Variants in LRP5 observed in about 807,000 individuals in gnomAD.
LRP5 encodes the protein LDL receptor related protein 5.
LRP5 carries 62 observed loss-of-function variants against 154.1 expected under a neutral mutation model. That is an observed-to-expected ratio of 0.40 (90% CI 0.33 to 0.50). The LOEUF (loss-of-function observed/expected upper bound fraction) is 0.50, where lower values mean the gene tolerates loss of function less well. LRP5 is among the 20% of genes least tolerant of loss of function. LRP5 has a pLI of 0.55. For missense variants in LRP5, 1,915 were observed against 2,336.7 expected, an observed-to-expected ratio of 0.82 and a Z score of 3.72; for synonymous variants, 966 against 1,011.5, an observed-to-expected ratio of 0.96 and a Z score of 0.85.
chr11:68,392,708 TG>T (rs2098647027), intron 7 of LRP5, among the ~76,000 whole-genome samples: 1 of 152,146 alleles, frequency 6.6e-6, no homozygotes, highest in African/African-American at 2.4e-5. Flanking sequence ...TTTCTGTCTC[TG>T]GGGGTTCACT....
chr11:68,354,159 C>T (rs2098621111), intron 2 of LRP5, among the ~76,000 whole-genome samples: 1 of 152,242 alleles, frequency 6.6e-6, no homozygotes, highest in African/African-American at 2.4e-5. Flanking sequence ...CACACAACCA[C>T]AACCGCAGCT....
At chr11:68,301,540 T>C in the LRP5 span, among the ~76,000 whole-genome samples, 1 of 149,052 alleles carries the variant, frequency 6.7e-6, no homozygotes, top group Non-Finnish European at 1.5e-5. Context: ...TCCATGAGAG[T>C]TCAAAAGAGA....
At chr11:68,426,948 G>C (rs746735430) in intron 16 of LRP5, among the ~76,000 whole-genome samples, 7 of 152,180 alleles carry the variant, frequency 4.6e-5, no homozygotes, top group Non-Finnish European at 8.8e-5. Context: ...ACCACTCTCA[G>C]CTCCTAGAGG....
rs1219400232 is a variant in LRP5 at position 68,427,966 on chromosome 11, TTTTATTTTTTTTA to T, written c.3638-1601_3638-1589del. On this transcript the variant is annotated intron_variant, in intron 16 of 22. Coordinates refer to ENST00000294304, the MANE Select transcript of LRP5 (RefSeq NM_002335.4). ...TGCTATTTTATTTTATTTTATTTTA[TTTTATTTTTTTTA>T]TTTATTTATTTATTTATTTATTTAT... Among the ~76,000 whole-genome samples the T allele has an allele frequency of 1.1e-3, 89 of 79,064 alleles. 1 individual carries two copies. The highest frequency in any genetic ancestry group is 2.5e-3 in the African/African-American group (68 of 26,868). 51.9% of individuals were successfully genotyped at this position (79,064 alleles called of 152,430 possible).
At position 68,423,554 on chromosome 11, in the gene LRP5, C is replaced by T. The variant is rs777524051; in HGVS notation, c.3093C>T (p.Ile1031=). The T allele has an allele frequency of 1.1e-5, 17 of 1,614,118 alleles. No homozygotes were observed. The highest frequency in any genetic ancestry group is 9.9e-5 in the South Asian group (9 of 91,092). ...ACAGGCAGCCCCACGACCTCAGCAT[C>T]GACATCTACAGCCGGACACTGTTCT... The part of the protein sequence containing the change: ...NPDRQPHDLS[I]DIYSRTLFWT... The change falls in exon 14 of 23, where the codon ATC becomes ATT. Residue 1031 remains isoleucine (I), a synonymous_variant. Transcript: ENST00000294304. The surrounding 1 kb of genome is among the most constrained non-coding windows in gnomAD (Gnocchi z 4.7).
intron 4 of LRP5, 26 bp from the exon 5 acceptor site, chr11:68,365,545 C>A (rs1359192658): frequency 1.2e-6 from 2 of 1,613,532 alleles, no homozygotes; most frequent in African/African-American, 2.7e-5. Context: ...CTGGAACCTT[C>A]TCTCACTCTG....
chr11:68,420,074 C>T (rs2098664700), intron 13 of LRP5, among the ~76,000 whole-genome samples: 1 of 152,250 alleles, frequency 6.6e-6, no homozygotes, highest in African/African-American at 2.4e-5. Context: ...CAGGCGCGAG[C>T]CACCGCACCC....
chr11:68,444,491 T>C (rs540758289), intron 21 of LRP5, among the ~76,000 whole-genome samples: 1 of 151,778 alleles, frequency 6.6e-6, no homozygotes, highest in African/African-American at 2.4e-5. Flanking sequence ...TACTCCAGCC[T>C]GGGCAACAAG....
rs770580929 is a variant in LRP5 at position 68,357,790 on chromosome 11, A to G, written c.629A>G (p.Tyr210Cys). The change falls in exon 3 of 23, where the codon TAC (tyrosine) becomes TGC (cysteine). Residue 210 changes from tyrosine to cysteine, a missense_variant. By Grantham distance (194) the Tyr-to-Cys change is radical (BLOSUM62 -2). Coordinates refer to ENST00000294304, the MANE Select transcript of LRP5 (RefSeq NM_002335.4). ...LTIDLEEQKL[Y>C]WADAKLSFIH... ...ATCGACCTGGAGGAGCAGAAGCTCT[A>G]CTGGGCTGACGCCAAGCTCAGCTTC... is the stretch of plus-strand genomic sequence containing the variant. 3 of 1,614,054 alleles carry G rather than the reference A, an allele frequency of 1.9e-6. No homozygotes were observed. The highest frequency in any genetic ancestry group is 2.5e-6 in the Non-Finnish European group (3 of 1,179,960).
At chr11:68,438,067 G>A (rs1034548403) in intron 19 of LRP5, among the ~76,000 whole-genome samples, 2 of 152,214 alleles carry the variant, frequency 1.3e-5, no homozygotes, top group African/African-American at 2.4e-5. Context: ...GCTGGTGGGC[G>A]GCACCAGGGG....
At chr11:68,438,784 C>T (rs2098676511) in intron 20 of LRP5, 102 bp downstream of exon 20, 8 of 978,118 alleles carry the variant, frequency 8.2e-6, no homozygotes, top group South Asian at 7.4e-5. Context: ...CCCTCTTGCA[C>T]ATGTGGCAGA....
At chr11:68,359,130 T>C (rs2098625623) in intron 3 of LRP5, among the ~76,000 whole-genome samples, 1 of 152,156 alleles carries the variant, frequency 6.6e-6, no homozygotes, top group African/African-American at 2.4e-5. Context: ...ACAGGTTTTT[T>C]ATGGGGAGGG....
At chr11:68,348,760 A>C (rs2098615859) in intron 2 of LRP5, among the ~76,000 whole-genome samples, 1 of 152,224 alleles carries the variant, frequency 6.6e-6, no homozygotes, top group Non-Finnish European at 1.5e-5. Flanking sequence ...ACTGGGCAAC[A>C]TGGTGAGACC....
chr11:68,416,313 C>T lies in LRP5; in HGVS notation c.2828-15C>T, dbSNP rs951283192. 1.2e-6 allele frequency: 2 copies of T among 1,613,200 alleles called. No homozygotes were observed. Among genetic ancestry groups the T allele is most frequent in the African/African-American group, 2.7e-5 (2 of 74,892 alleles). ...TACAGACACCCACCTGCAGCCCTGTCTTTGCCTCCTCTAGCGCCCACCACC... is the reference window on the plus strand; with the variant it reads ...TACAGACACCCACCTGCAGCCCTGTTTTTGCCTCCTCTAGCGCCCACCACC... On this transcript the variant is annotated splice_polypyrimidine_tract_variant and intron_variant, in intron 12 of 22. Transcript: ENST00000294304.
At position 68,313,918 on chromosome 11, in the gene LRP5, G is replaced by A. The variant is rs1232049015; in HGVS notation, c.91+1113G>A. On this transcript the variant is annotated intron_variant, in intron 1 of 22. Transcript: ENST00000294304. ...ATCCCCCAGGCTGCAGCCTCTGCTT[G>A]GAGGTGTGGGGGACAGCGGGGAACA... Among the ~76,000 whole-genome samples, 4 of 152,202 alleles carry A rather than the reference G, an allele frequency of 2.6e-5. No homozygotes were observed. The East Asian group carries it at 7.7e-4, about 29-fold the overall frequency.
At chr11:68,375,555 G>T (rs558880837) in intron 5 of LRP5, among the ~76,000 whole-genome samples, 1 of 151,560 alleles carries the variant, frequency 6.6e-6, no homozygotes, top group South Asian at 2.1e-4. Context: ...TCCTCCGCCC[G>T]TGCGCAGCCC....
At chr11:68,379,752 CAG>C (rs1322908962) in intron 5 of LRP5, among the ~76,000 whole-genome samples, 1 of 152,168 alleles carries the variant, frequency 6.6e-6, no homozygotes, top group Non-Finnish European at 1.5e-5. Flanking sequence ...GGGACAAGTA[CAG>C]AGAGTTCCTT....
chr11:68,368,546 G>A (rs1339521112), intron 5 of LRP5, among the ~76,000 whole-genome samples: 1 of 152,240 alleles, frequency 6.6e-6, no homozygotes, highest in Non-Finnish European at 1.5e-5. Context: ...GGGGCTGTCT[G>A]CACTTCCATT....
chr11:68,389,224 A>G (rs2098644830), intron 6 of LRP5, among the ~76,000 whole-genome samples: 3 of 3,718 alleles, frequency 8.1e-4, no homozygotes, highest in African/African-American at 1.9e-3. Flanking sequence ...GCTGGCATCT[A>G]CTGACACCGA....
Sources: allele counts gnomAD v4.1 joint callset (sites outside exome capture counted in the v4.1 genomes callset), GRCh38; gene constraint gnomAD v4.1.1; non-coding constraint Gnocchi (gnomAD v3.1); transcripts MANE v1.5; gene names NCBI Gene and HGNC (gene_info 2026-07-23, HGNC 2026-07-21).